CCBE1: variants seen among roughly 807,000 people sequenced by gnomAD.
CCBE1 encodes collagen and calcium-binding EGF domain-containing protein 1.
Under a neutral mutation model 50.0 loss-of-function variants are expected in CCBE1, and 37 were observed. The ratio of observed to expected loss-of-function variants is 0.74; its 90% CI spans 0.57 to 0.97. The LOEUF (loss-of-function observed/expected upper bound fraction) is 0.97. CCBE1 is among the 50% of genes least tolerant of loss of function. The pLI, the probability that CCBE1 is intolerant of heterozygous loss-of-function variation, is 0.00. For synonymous variants in CCBE1, 234 were observed against 203.7 expected (o/e 1.15, Z -1.27); for missense variants, 538 against 523.8 (o/e 1.03, Z -0.26).
intron 2 of CCBE1, among the ~76,000 whole-genome samples, chr18:59,541,485 C>A (rs1422163751): frequency 2.0e-5 from 3 of 152,192 alleles, no homozygotes; most frequent in Admixed American, 6.5e-5. Context: ...CTTCAAATAA[C>A]CTCACCATCT....
chr18:59,486,013 G>T (rs1912808814), intron 2 of CCBE1, among the ~76,000 whole-genome samples: 1 of 152,042 alleles, frequency 6.6e-6, no homozygotes, highest in African/African-American at 2.4e-5. Flanking sequence ...GTCAACAAAT[G>T]TGGGCTAGAA....
chr18:59,481,471 A>G (rs1421396395), intron 2 of CCBE1, among the ~76,000 whole-genome samples: 2 of 152,222 alleles, frequency 1.3e-5, no homozygotes, highest in African/African-American at 4.8e-5. Flanking sequence ...AGATTAAAGA[A>G]GTTTGGCAAG....
At chr18:59,567,289 T>C (rs1314674659) in intron 2 of CCBE1, among the ~76,000 whole-genome samples, 10 of 151,928 alleles carry the variant, frequency 6.6e-5, no homozygotes, top group Non-Finnish European at 1.0e-4. Context: ...CCCACCACCA[T>C]ACCCAGCTAA....
intron 2 of CCBE1, among the ~76,000 whole-genome samples, chr18:59,578,544 ACCCAAATG>A (rs1390290922): frequency 6.6e-6 from 1 of 152,234 alleles, no homozygotes; most frequent in Admixed American, 6.5e-5. Flanking sequence ...CTTGGAACCA[ACCCAAATG>A]CCCATCAATG....
At chr18:59,670,992 T>C (rs1353816485) in intron 2 of CCBE1, among the ~76,000 whole-genome samples, 1 of 152,204 alleles carries the variant, frequency 6.6e-6, no homozygotes, top group Non-Finnish European at 1.5e-5. Context: ...GTACAAGGCA[T>C]TTTAGAAGTT....
chr18:59,585,371 CA>C (rs761183793), intron 2 of CCBE1, among the ~76,000 whole-genome samples: 1 of 152,072 alleles, frequency 6.6e-6, no homozygotes, highest in Non-Finnish European at 1.5e-5. Context: ...ATTTGGTGAA[CA>C]TCTGATTATT....
Position 59,481,153 on chromosome 18 carries a change from CAG to C in CCBE1, c.213-917_213-916del, listed in dbSNP as rs1162483627. Among the ~76,000 whole-genome samples the C allele has an allele frequency of 7.9e-5, 12 of 152,174 alleles. No homozygotes were observed. The South Asian group carries it at 2.3e-3, about 29-fold the overall frequency. Reference sequence around the variant, plus strand: ...CAGAGAAACTACTAAAAGAACAAAACAGAAATTATAGAACTGACAAATAGATC... The same window carrying C: ...CAGAGAAACTACTAAAAGAACAAAACAAATTATAGAACTGACAAATAGATC... On this transcript the variant is annotated intron_variant, in intron 2 of 10. Coordinates refer to ENST00000439986, the MANE Select transcript of CCBE1 (RefSeq NM_133459.4).
chr18:59,440,069 A>G (rs1209370554), intron 7 of CCBE1, among the ~76,000 whole-genome samples: 1 of 152,190 alleles, frequency 6.6e-6, no homozygotes, highest in African/African-American at 2.4e-5. Context: ...GTCTTCCTCT[A>G]TATTTCCCTG....
At chr18:59,573,284 AATAT>A (rs71336346) in intron 2 of CCBE1, among the ~76,000 whole-genome samples, 9 of 93,720 alleles carry the variant, frequency 9.6e-5, no homozygotes, top group South Asian at 7.5e-4. Flanking sequence ...GACTCCGTCT[AATAT>A]ATATATATAT....
At chr18:59,544,359 A>C (rs557074206) in intron 2 of CCBE1, among the ~76,000 whole-genome samples, 2 of 152,354 alleles carry the variant, frequency 1.3e-5, no homozygotes, top group African/African-American at 2.4e-5. Context: ...CTTTTTATTA[A>C]GAAATTTTAA....
At chr18:59,581,671 A>G (rs1474897401) in intron 2 of CCBE1, among the ~76,000 whole-genome samples, 2 of 152,178 alleles carry the variant, frequency 1.3e-5, no homozygotes, top group Admixed American at 1.3e-4. Context: ...CAACCACTAC[A>G]GCATTGTCTA....
chr18:59,596,937 A>T (rs552304170), intron 2 of CCBE1, among the ~76,000 whole-genome samples: 27 of 152,392 alleles, frequency 1.8e-4, no homozygotes, highest in African/African-American at 6.3e-4. Context: ...ATGCCAATGG[A>T]CCAACACAGC....
intron 2 of CCBE1, among the ~76,000 whole-genome samples, chr18:59,505,196 G>A (rs1343497274): frequency 1.3e-5 from 2 of 152,114 alleles, no homozygotes; most frequent in African/African-American, 4.8e-5. Context: ...AGAACTTTGG[G>A]CCACATTCAA....
At chr18:59,508,398 C>T (rs554921006) in intron 2 of CCBE1, among the ~76,000 whole-genome samples, 2 of 151,922 alleles carry the variant, frequency 1.3e-5, no homozygotes, top group South Asian at 2.1e-4. Flanking sequence ...AGGAGTGAGA[C>T]CAGCCCAGCC....
chr18:59,458,137 C>T (rs189229407), intron 5 of CCBE1, among the ~76,000 whole-genome samples: 5 of 148,478 alleles, frequency 3.4e-5, no homozygotes, highest in African/African-American at 1.2e-4. Context: ...TCCATCCATC[C>T]ATCCATCCAT....
intron 2 of CCBE1, among the ~76,000 whole-genome samples, chr18:59,555,946 G>A (rs1341345863): frequency 7.9e-5 from 12 of 152,334 alleles, no homozygotes; most frequent in Middle Eastern, 3.4e-3. Context: ...GAAAGTGCCG[G>A]AGGGAAGCTG....
At chr18:59,561,739 G>A (rs1241854018) in intron 2 of CCBE1, among the ~76,000 whole-genome samples, 39 of 152,168 alleles carry the variant, frequency 2.6e-4, no homozygotes, top group African/African-American at 2.4e-5. Flanking sequence ...CAAGGACACA[G>A]CTTGGCTTGC....
At chr18:59,645,240 A>C (rs573780464) in intron 2 of CCBE1, among the ~76,000 whole-genome samples, 1 of 152,068 alleles carries the variant, frequency 6.6e-6, no homozygotes, top group African/African-American at 2.4e-5. Flanking sequence ...CAACAACAAC[A>C]AAAAAGCTAC....
chr18:59,590,903 A>C (rs1325398688), intron 2 of CCBE1, among the ~76,000 whole-genome samples: 1 of 152,198 alleles, frequency 6.6e-6, no homozygotes, highest in African/African-American at 2.4e-5. Context: ...TTTAAACTAC[A>C]AAAGTGCTAG....
Sources: gnomAD v4.1 joint callset for allele counts (sites outside exome capture counted in the v4.1 genomes callset) on GRCh38, gnomAD v4.1.1 for gene constraint, MANE v1.5 for transcripts, NCBI Gene and HGNC (gene_info 2026-07-23, HGNC 2026-07-21) for gene names.